CTNNA1: variants seen among roughly 807,000 people sequenced by gnomAD.
CTNNA1 encodes the protein catenin alpha-1.
Under a neutral mutation model 98.4 loss-of-function variants are expected in CTNNA1, and 37 were observed. That is an observed-to-expected ratio of 0.38 (90% CI 0.29 to 0.49). The LOEUF (loss-of-function observed/expected upper bound fraction) is 0.49, where lower values mean the gene tolerates loss of function less well. Among genes scored for constraint, CTNNA1 ranks in the 20% least tolerant of loss-of-function variants. CTNNA1 has a pLI of 0.95. For synonymous variants in CTNNA1, 404 were observed against 413.2 expected, an observed-to-expected ratio of 0.98 and a Z score of 0.27; for missense variants, 761 against 1,147.2, an observed-to-expected ratio of 0.66 and a Z score of 4.86.
In CTNNA1 at chr5:138,874,287, A is replaced by G. The variant is rs964656424; in HGVS notation, c.1063-11925A>G. The G allele has an allele frequency of 1.9e-6, 3 of 1,614,040 alleles. No homozygotes were observed. The highest frequency in any genetic ancestry group is 3.3e-5 in the Admixed American group (2 of 60,028). ...ACTGTTGAAATTTGATTGTGATCTAAGTGGAGCCAAGTAAGTTGACTGAAG... is the reference window on the plus strand; with the variant it reads ...ACTGTTGAAATTTGATTGTGATCTAGGTGGAGCCAAGTAAGTTGACTGAAG... On this transcript the variant is annotated intron_variant, in intron 7 of 17. Coordinates refer to ENST00000302763, the MANE Select transcript of CTNNA1 (RefSeq NM_001903.5). The surrounding 1 kb of genome is among the most constrained non-coding windows in gnomAD (Gnocchi z 4.1).
intron 1 of CTNNA1, among the ~76,000 whole-genome samples, chr5:138,781,669 A>G (rs557446991): frequency 6.6e-6 from 1 of 152,292 alleles, no homozygotes; most frequent in Admixed American, 6.5e-5. Context: ...GGTGCTAGAG[A>G]AGCCCAAAGG....
chr5:138,827,402 C>A, intron 6 of CTNNA1, 113 bp from the exon 7 acceptor site: 1 of 1,203,434 alleles, frequency 8.3e-7, no homozygotes, highest in Non-Finnish European at 1.2e-6. Context: ...AACTTTCTTT[C>A]AGATGTTGGA....
At chr5:138,877,441 CTTT>C (rs70982737) in intron 7 of CTNNA1, among the ~76,000 whole-genome samples, 9 of 136,788 alleles carry the variant, frequency 6.6e-5, no homozygotes, top group Non-Finnish European at 7.9e-5. Flanking sequence ...TCTTAAATTT[CTTT>C]TTTTTTTTTT....
At chr5:138,932,951 C>T (rs1160491830) in intron 17 of CTNNA1, 1 of 771,650 alleles carries the variant, frequency 1.3e-6, no homozygotes, top group Non-Finnish European at 2.4e-6. Context: ...TTGCTGGCCA[C>T]TCACTGGGTA....
chr5:138,825,498 T>TTTTTTTTTTTTTTTG (rs1760610249), intron 6 of CTNNA1, among the ~76,000 whole-genome samples: 2 of 103,972 alleles, frequency 1.9e-5, no homozygotes, highest in African/African-American at 3.7e-5. Context: ...TTTTTTTTTT[T>TTTTTTTTTTTTTTTG]AGGGCTTTAA....
chr5:138,844,004 T>C (rs1308839539), intron 7 of CTNNA1, among the ~76,000 whole-genome samples: 2 of 152,196 alleles, frequency 1.3e-5, no homozygotes, highest in Admixed American at 6.5e-5. Context: ...AGGCATTCCA[T>C]TGTGCAATTC....
chr5:138,882,009 C>G (rs986982545), intron 7 of CTNNA1, among the ~76,000 whole-genome samples: 2 of 152,248 alleles, frequency 1.3e-5, no homozygotes, highest in Non-Finnish European at 2.9e-5. Flanking sequence ...AGACTGATGA[C>G]TTGCCACACA....
At chr5:138,875,502 G>GA in intron 7 of CTNNA1, 11 of 985,428 alleles carry the variant, frequency 1.1e-5, no homozygotes, top group Non-Finnish European at 1.3e-5. Context: ...AAGCGAGAAA[G>GA]AAGAACTCCT....
rs781427504 is a variant in CTNNA1, at chr5:138,929,233, G to T, written c.1900-13G>T. On this transcript the variant is annotated splice_polypyrimidine_tract_variant and intron_variant, in intron 13 of 17. Transcript: ENST00000302763. The stretch of plus-strand genomic sequence containing the variant: ...GAGATGTGTCTGACCTGTGATCTTT[G>T]TCTGGGTGGCAGACCCCTGAGGAGT... 21 of 1,447,570 alleles carry T rather than the reference G, an allele frequency of 1.5e-5. No individual in the cohort carries two copies. Among genetic ancestry groups the T allele is most frequent in the Admixed American group, 6.7e-5 (4 of 59,818 alleles). The allele number at this position is 1,447,570 out of a possible 1,614,324, so 89.7% of individuals were successfully genotyped here.
chr5:138,911,526 A>G (rs1463908563), intron 10 of CTNNA1, among the ~76,000 whole-genome samples: 1 of 152,302 alleles, frequency 6.6e-6, no homozygotes, highest in East Asian at 1.9e-4. Flanking sequence ...CAGAGAAGAA[A>G]ATACAGTGAT....
intron 2 of CTNNA1, 57 bp from the exon 3 acceptor site, chr5:138,783,120 G>C: frequency 7.4e-7 from 1 of 1,344,328 alleles, no homozygotes; most frequent in East Asian, 2.3e-5. Flanking sequence ...TGTCTTTAAA[G>C]ATATTAGTTT....
chr5:138,914,059 A>G (rs978011189), intron 10 of CTNNA1, among the ~76,000 whole-genome samples: 1 of 152,222 alleles, frequency 6.6e-6, no homozygotes, highest in Non-Finnish European at 1.5e-5. Flanking sequence ...GTAATCAGAA[A>G]TGAGTATTTA....
intron 3 of CTNNA1, among the ~76,000 whole-genome samples, chr5:138,788,875 T>A (rs1309091202): frequency 1.3e-5 from 2 of 152,230 alleles, no homozygotes; most frequent in Non-Finnish European, 2.9e-5. Context: ...TATACTTGGA[T>A]CTCAAAGGCC....
intron 16 of CTNNA1, chr5:138,931,973 A>T: frequency 2.0e-6 from 2 of 985,412 alleles, no homozygotes; most frequent in Non-Finnish European, 2.4e-6. Flanking sequence ...AAACTCTGAG[A>T]TGTGGAGCGA....
chr5:138,771,631 C>T (rs1379799658), intron 1 of CTNNA1, among the ~76,000 whole-genome samples: 1 of 152,122 alleles, frequency 6.6e-6, no homozygotes, highest in Non-Finnish European at 1.5e-5. Context: ...AAGTGATCCT[C>T]CCACCTTGGC....
chr5:138,800,471 C>A (rs1346681932), intron 3 of CTNNA1, among the ~76,000 whole-genome samples: 1 of 151,992 alleles, frequency 6.6e-6, no homozygotes, highest in Non-Finnish European at 1.5e-5. Context: ...TTCTGCTGAC[C>A]AAGAGAAGGG....
At chr5:138,919,492 A>C (rs1762470332) in intron 11 of CTNNA1, among the ~76,000 whole-genome samples, 1 of 152,234 alleles carries the variant, frequency 6.6e-6, no homozygotes. Context: ...CTGCAGCAGC[A>C]TTTAGTGGAT....
chr5:138,804,954 G>C (rs1186639544), intron 3 of CTNNA1, among the ~76,000 whole-genome samples: 1 of 152,212 alleles, frequency 6.6e-6, no homozygotes, highest in African/African-American at 2.4e-5. Flanking sequence ...TCTGGAGGCT[G>C]TACAGAAAGC....
At chr5:138,865,101 C>T (rs11950908) in intron 7 of CTNNA1, among the ~76,000 whole-genome samples, 5,564 of 152,274 alleles carry the variant, frequency 0.037, 278 homozygotes, top group African/African-American at 0.12. Context: ...CGTGAGCCAC[C>T]GCTCCCGGCC....
Sources: allele counts gnomAD v4.1 joint callset (sites outside exome capture counted in the v4.1 genomes callset), GRCh38; gene constraint gnomAD v4.1.1; non-coding constraint Gnocchi (gnomAD v3.1); transcripts MANE v1.5; gene names NCBI Gene and HGNC (gene_info 2026-07-23, HGNC 2026-07-21).